GPHN: variants seen among roughly 807,000 people sequenced by gnomAD.
GPHN encodes the protein gephyrin.
In GPHN, 17 loss-of-function variants were observed where a neutral mutation model predicts 95.5. The observed-to-expected ratio is 0.18, with a 90% CI of 0.12 to 0.27. The LOEUF (loss-of-function observed/expected upper bound fraction) is 0.27. GPHN is among the 10% of genes least tolerant of loss of function. GPHN has a pLI of 1.00. For synonymous variants in GPHN, 320 were observed against 322.5 expected, an observed-to-expected ratio of 0.99 and a Z score of 0.08; for missense variants, 660 against 978.1, an observed-to-expected ratio of 0.67 and a Z score of 4.34.
chr14:67,593,513 T>C, the GPHN span: 2 of 502,528 alleles, frequency 4.0e-6, no homozygotes, highest in East Asian at 3.4e-5. Context: ...AGAAAAAAGA[T>C]AGAAAGAGAA....
intron 8 of GPHN, among the ~76,000 whole-genome samples, chr14:66,934,995 A>C (rs568484643): frequency 6.6e-6 from 1 of 152,306 alleles, no homozygotes; most frequent in African/African-American, 2.4e-5. Flanking sequence ...CAGTAAAAAA[A>C]CCTGATTCAA....
At chr14:67,387,265 C>A in the GPHN span, 3 of 1,522,944 alleles carry the variant, frequency 2.0e-6, no homozygotes, top group Non-Finnish European at 2.7e-6. Context: ...CACTCCCATT[C>A]TCCAGGAACT....
the GPHN span, among the ~76,000 whole-genome samples, chr14:67,641,953 T>A: frequency 6.6e-6 from 1 of 152,246 alleles, no homozygotes; most frequent in African/African-American, 2.4e-5. Flanking sequence ...TTAACCATTT[T>A]TTTATTGTTG....
the GPHN span, chr14:67,684,388 T>A: frequency 6.6e-6 from 1 of 152,106 alleles, no homozygotes; most frequent in East Asian, 1.9e-4. Flanking sequence ...GGGTAGAGAA[T>A]GGGGATAGGG....
At position 66,508,232 on chromosome 14, in the gene GPHN, C is replaced by G; in HGVS notation, c.-296C>G. On this transcript the variant is annotated 5_prime_UTR_variant, in exon 1 of 23. Transcript: ENST00000478722. Reference sequence around the variant, plus strand: ...ACACTCTCCGGCCTCGTTCTGCCGCCTCCGCGCGCTCTCCCCGTGCGGCCA... The same window carrying G: ...ACACTCTCCGGCCTCGTTCTGCCGCGTCCGCGCGCTCTCCCCGTGCGGCCA... 1.8e-6 allele frequency: 1 copy of G among 544,510 alleles called. No individual in the cohort carries two copies. The highest frequency in any genetic ancestry group is 2.0e-5 in the South Asian group (1 of 49,786). 33.7% of individuals were successfully genotyped at this position (544,510 alleles called of 1,614,324 possible). A position where few individuals can be genotyped will look rare whatever the true frequency, so the allele number is the denominator to read the frequency against.
chr14:67,247,240 T>TTAA, the GPHN span, among the ~76,000 whole-genome samples: 1 of 152,234 alleles, frequency 6.6e-6, no homozygotes, highest in Non-Finnish European at 1.5e-5. Context: ...TTGCAAATAC[T>TTAA]TTATTAAGTC....
At chr14:66,841,325 A>G (rs563020018) in intron 4 of GPHN, among the ~76,000 whole-genome samples, 3 of 152,222 alleles carry the variant, frequency 2.0e-5, no homozygotes, top group Middle Eastern at 6.8e-3. Context: ...AAAGACCTAA[A>G]GGAGGAGAGA....
intron 4 of GPHN, among the ~76,000 whole-genome samples, chr14:66,861,720 A>G (rs938786573): frequency 2.6e-5 from 4 of 152,266 alleles, no homozygotes; most frequent in Admixed American, 1.3e-4. Flanking sequence ...ACACGTGGAA[A>G]TTAAACAAGA....
chr14:66,812,751 A>G (rs1160524224), intron 3 of GPHN, among the ~76,000 whole-genome samples: 1 of 152,260 alleles, frequency 6.6e-6, no homozygotes. Flanking sequence ...TCTATAAAGC[A>G]GGTTGAATTG....
chr14:67,190,227 CT>C, the GPHN span, among the ~76,000 whole-genome samples: 191 of 123,480 alleles, frequency 1.5e-3, no homozygotes, highest in Middle Eastern at 5.5e-3. Flanking sequence ...TTGTTCTTTT[CT>C]TTTTTTTTTT....
the GPHN span, among the ~76,000 whole-genome samples, chr14:67,563,092 C>T: frequency 0.01 from 1,547 of 152,328 alleles, 32 homozygotes; most frequent in African/African-American, 0.036. Flanking sequence ...ATGTGAATGG[C>T]GGTTGGCTGT....
the GPHN span, chr14:67,729,782 T>C: frequency 2.0e-6 from 1 of 501,618 alleles, no homozygotes; most frequent in Non-Finnish European, 4.0e-6. Flanking sequence ...CTCTTCGGTG[T>C]GAACTCTGTC....
chr14:66,653,414 T>C (rs549167797), intron 1 of GPHN, among the ~76,000 whole-genome samples: 1 of 152,316 alleles, frequency 6.6e-6, no homozygotes, highest in East Asian at 1.9e-4. Context: ...GGTTAAAATA[T>C]TTTCTAAAGA....
intron 2 of GPHN, among the ~76,000 whole-genome samples, chr14:66,742,635 C>T (rs1226403817): frequency 1.3e-5 from 2 of 152,164 alleles, no homozygotes; most frequent in African/African-American, 4.8e-5. Context: ...TGTTAGAGTC[C>T]AAGCCATGCT....
intron 4 of GPHN, among the ~76,000 whole-genome samples, chr14:66,838,872 A>G (rs965846675): frequency 6.6e-6 from 1 of 152,208 alleles, no homozygotes. Context: ...TCAGAATAAT[A>G]TCACTGAATT....
At chr14:66,550,149 C>G (rs2140164882) in intron 1 of GPHN, among the ~76,000 whole-genome samples, 2 of 152,216 alleles carry the variant, frequency 1.3e-5, no homozygotes, top group Middle Eastern at 6.8e-3. Context: ...TATATAGCTA[C>G]CATAGATAGT....
At chr14:67,562,430 C>G in the GPHN span, 2 of 1,613,782 alleles carry the variant, frequency 1.2e-6, no homozygotes, top group African/African-American at 2.7e-5. Context: ...CCCTCCCCAC[C>G]AGCCATGCAT....
chr14:66,751,494 G>C (rs1238446582), intron 2 of GPHN, among the ~76,000 whole-genome samples: 1 of 152,014 alleles, frequency 6.6e-6, no homozygotes, highest in African/African-American at 2.4e-5. Context: ...GTCTTCTTTT[G>C]AGAAGTGTCT....
At chr14:66,850,842 A>G (rs1010468111) in intron 4 of GPHN, among the ~76,000 whole-genome samples, 4 of 152,168 alleles carry the variant, frequency 2.6e-5, no homozygotes, top group African/African-American at 9.7e-5. Context: ...GGAAAGTTAC[A>G]TTTCATTGTG....
Sources: gnomAD v4.1 joint callset for allele counts (sites outside exome capture counted in the v4.1 genomes callset) on GRCh38, gnomAD v4.1.1 for gene constraint, MANE v1.5 for transcripts, NCBI Gene and HGNC (gene_info 2026-07-23, HGNC 2026-07-21) for gene names.